The following GRAMD1C variants were observed in gnomAD, a reference collection of about 807,000 sequenced individuals.
GRAMD1C encodes protein Aster-C.
In GRAMD1C, 89 loss-of-function variants were observed where a neutral mutation model predicts 97.8. That is an observed-to-expected ratio of 0.91 (90% confidence interval 0.77 to 1.09). The LOEUF is 1.09. GRAMD1C is among the 50% of genes least tolerant of loss of function. The pLI is 0.00. For missense variants in GRAMD1C, 740 were observed against 766.4 expected, an observed-to-expected ratio of 0.97 and a Z score of 0.41; for synonymous variants, 256 against 267.0, an observed-to-expected ratio of 0.96 and a Z score of 0.40.
chr3:113,852,732 G>C (rs1470292683), intron 2 of GRAMD1C, among the ~76,000 whole-genome samples: 2 of 152,204 alleles, frequency 1.3e-5, no homozygotes, highest in African/African-American at 4.8e-5. Flanking sequence ...GGAGATAGGA[G>C]ATAGCACCTT....
intron 2 of GRAMD1C, among the ~76,000 whole-genome samples, chr3:113,849,267 TTTTATTTATTTATTTA>T (rs200581881): frequency 1.1e-4 from 16 of 141,556 alleles, no homozygotes; most frequent in South Asian, 4.4e-4. Flanking sequence ...CTAGTTAATA[TTTTATTTATTTATTTA>T]TTTATTTATT....
chr3:113,850,773 T>C, intron 2 of GRAMD1C: 2 of 930,032 alleles, frequency 2.2e-6, no homozygotes, highest in Non-Finnish European at 3.0e-6. Context: ...GGAAAGGATA[T>C]ACTTAATTTT....
intron 1 of GRAMD1C, among the ~76,000 whole-genome samples, chr3:113,833,120 CT>C (rs200062835): frequency 0.02 from 2,562 of 129,392 alleles, 51 homozygotes; most frequent in East Asian, 0.11. Context: ...TTCTTTCTTT[CT>C]TTTTTTTTTT....
chr3:113,865,712 T>G (rs1934557614), intron 2 of GRAMD1C, among the ~76,000 whole-genome samples: 1 of 152,206 alleles, frequency 6.6e-6, no homozygotes, highest in South Asian at 2.1e-4. Flanking sequence ...ACATGTGTAT[T>G]AGACCTCCTC....
chr3:113,828,247 C>T (rs1277869801), exon 1 of GRAMD1C: 1 of 152,234 alleles, frequency 6.6e-6, no homozygotes, highest in East Asian at 1.9e-4. Context: ...ATTGAGGTCC[C>T]AAACCAATAG....
At chr3:113,903,789 C>G (rs1362075756) in intron 7 of GRAMD1C, among the ~76,000 whole-genome samples, 5 of 151,672 alleles carry the variant, frequency 3.3e-5, no homozygotes, top group Non-Finnish European at 5.9e-5. Flanking sequence ...GTATCTAACT[C>G]AAACATCTAC....
At chr3:113,906,617 C>T (rs558779230) in intron 8 of GRAMD1C, among the ~76,000 whole-genome samples, 4 of 152,024 alleles carry the variant, frequency 2.6e-5, no homozygotes, top group African/African-American at 9.6e-5. Context: ...AAAAATGTTA[C>T]AGTAAGCTAA....
chr3:113,930,775 C>T lies in GRAMD1C; in HGVS notation c.1152C>T (p.Tyr384=). 6.2e-7 allele frequency: 1 copy of T among 1,612,446 alleles called. No individual in the cohort carries two copies. Among genetic ancestry groups the T allele is most frequent in the Non-Finnish European group, 8.5e-7 (1 of 1,178,458 alleles). ...LGGDQLRTMT[Y]TIVLNSPLTG... The stretch of plus-strand genomic sequence containing the variant: ...GTGATCAGCTGAGAACGATGACCTA[C>T]ACTATAGTCCTTAATAGTCCACTTA... Residue 384 remains tyrosine (Y), a synonymous_variant, in exon 11 of 18, where the codon TAC becomes TAT. Coordinates refer to ENST00000358160, the MANE Select transcript of GRAMD1C (RefSeq NM_017577.5).
chr3:113,853,495 G>T (rs1195816393), intron 2 of GRAMD1C, among the ~76,000 whole-genome samples: 1 of 152,210 alleles, frequency 6.6e-6, no homozygotes. Flanking sequence ...ATCAGGAATT[G>T]CAGTGAGCTG....
intron 6 of GRAMD1C, among the ~76,000 whole-genome samples, chr3:113,895,882 A>G (rs139272273): frequency 2.1e-3 from 320 of 152,126 alleles, no homozygotes; most frequent in African/African-American, 7.3e-3. Context: ...ACCATTACCA[A>G]TGTCTTCTTA....
chr3:113,897,856 A>T (rs1159032938), intron 6 of GRAMD1C: 1 of 454,272 alleles, frequency 2.2e-6, no homozygotes, highest in African/African-American at 2.1e-5. Flanking sequence ...TGTTTTGAAG[A>T]CTACTAAGGT....
At chr3:113,918,505 A>T (rs1453558685) in intron 10 of GRAMD1C, among the ~76,000 whole-genome samples, 8 of 152,238 alleles carry the variant, frequency 5.3e-5, no homozygotes, top group Non-Finnish European at 1.2e-4. Context: ...CAATGATTAT[A>T]TCAACTGTCT....
chr3:113,854,982 A>G (rs1331529955), intron 2 of GRAMD1C, among the ~76,000 whole-genome samples: 3 of 152,174 alleles, frequency 2.0e-5, no homozygotes, highest in Admixed American at 2.0e-4. Flanking sequence ...TGCCTTTCCA[A>G]AAAACCTTTA....
chr3:113,879,842 C>T (rs1043749011), intron 5 of GRAMD1C, among the ~76,000 whole-genome samples: 8 of 151,824 alleles, frequency 5.3e-5, no homozygotes, highest in Non-Finnish European at 1.0e-4. Flanking sequence ...TACAGGTGCC[C>T]GCCACCATGC....
At chr3:113,839,802 A>G (rs1184013203) in intron 1 of GRAMD1C, among the ~76,000 whole-genome samples, 9 of 152,146 alleles carry the variant, frequency 5.9e-5, no homozygotes, top group Non-Finnish European at 8.8e-5. Context: ...TATTTCCTCT[A>G]TTGTAGAGTT....
intron 10 of GRAMD1C, among the ~76,000 whole-genome samples, chr3:113,923,951 T>C (rs1937148048): frequency 6.6e-6 from 1 of 152,160 alleles, no homozygotes. Context: ...TGGTTCAATT[T>C]TGGAACTCAT....
At chr3:113,834,716 A>C (rs995695651), upstream of GRAMD1C, among the ~76,000 whole-genome samples, 30 of 151,026 alleles carry the variant, frequency 2.0e-4, no homozygotes, top group African/African-American at 6.8e-4. Flanking sequence ...AGGGTGGATC[A>C]TGAGGTCAGG....
In GRAMD1C at chr3:113,943,964, C is replaced by T. The variant is rs191384695; in HGVS notation, c.1909-1434C>T. ...AAAAATATCTCCTCTGCCTGACTTC[C>T]TCCTGGCCCAAATGCTCCAGGGCTC... On this transcript the variant is annotated intron_variant, in intron 17 of 17. Transcript: ENST00000358160. 7.8e-4 allele frequency among the ~76,000 whole-genome samples: 119 copies of T among 152,260 alleles called. 3 individuals carry two copies. In the South Asian group the frequency reaches 0.012, roughly 16 times the overall value.
Position 113,904,204 on chromosome 3 carries a change from A to G in GRAMD1C, c.721A>G (p.Ser241Gly). 6.2e-7 allele frequency: 1 copy of G among 1,606,952 alleles called. No individual in the cohort carries two copies. Among genetic ancestry groups the G allele is most frequent in the South Asian group, 1.1e-5 (1 of 90,934 alleles). ...ERDEKLSKSI[S>G]FTSESISRVS... ...AGATGAAAAATTATCCAAGTCAATCAGTTTTACCAGTGAATCAATTAGTCG... is the reference window on the plus strand; with the variant it reads ...AGATGAAAAATTATCCAAGTCAATCGGTTTTACCAGTGAATCAATTAGTCG... Residue 241 changes from serine (S) to glycine (G), a missense_variant, in exon 8 of 18, where the codon AGT becomes GGT. Physicochemically the swap from Ser to Gly is moderately conservative, Grantham distance 56 (BLOSUM62 0). Transcript: ENST00000358160.
Sources: gnomAD v4.1 joint callset for allele counts (sites outside exome capture counted in the v4.1 genomes callset) on GRCh38, gnomAD v4.1.1 for gene constraint, MANE v1.5 for transcripts, NCBI Gene and HGNC (gene_info 2026-07-23, HGNC 2026-07-21) for gene names.